Variants in BCORL1 observed in about 807,000 individuals in gnomAD.
The protein encoded by BCORL1 is BCL-6 corepressor-like protein 1.
Under a neutral mutation model 87.6 loss-of-function variants are expected in BCORL1, and 7 were observed. The ratio of observed to expected loss-of-function variants is 0.08; its 90% CI spans 0.05 to 0.15. The LOEUF is 0.15. Among genes scored for constraint, BCORL1 ranks in the 10% least tolerant of loss-of-function variants. The pLI is 1.00. For synonymous variants in BCORL1, 591 were observed against 634.4 expected, an observed-to-expected ratio of 0.93 and a Z score of 1.03; for missense variants, 1,215 against 1,499.7, an observed-to-expected ratio of 0.81 and a Z score of 3.13.
chrX:130,012,776 T>G (rs1418522543), intron 3 of BCORL1, 108 bp downstream of exon 3: 3 of 995,423 alleles, frequency 3.0e-6, no homozygotes, highest in Non-Finnish European at 4.2e-6. Flanking sequence ...AGGGACAGGG[T>G]CTCTCCCAGG....
upstream of BCORL1, chrX:129,981,482 C>G (rs1926094837): frequency 1.8e-5 from 2 of 110,635 alleles, no homozygotes; most frequent in South Asian, 7.7e-4. Context: ...CCCACCCAAG[C>G]GATTTAATGG....
Position 130,050,651 on chromosome X carries a change from A to C in BCORL1, c.4841-66A>C, listed in dbSNP as rs1932021160. 7.2e-6 allele frequency: 7 copies of C among 969,677 alleles called. No homozygotes were observed. The Admixed American group carries it at 1.6e-4, about 22-fold the overall frequency. 79.9% of individuals were successfully genotyped at this position (969,677 alleles called of 1,213,427 possible). A position where few individuals can be genotyped will look rare whatever the true frequency, so the allele number is the denominator to read the frequency against. On this transcript the variant is annotated intron_variant, in intron 11 of 13. Transcript: ENST00000540052. Reference sequence around the variant, plus strand: ...CATTCCCTTAGCCCCGTATGCATGGACTTCACTTGGACATTCCTTCCCCAG... The same window carrying C: ...CATTCCCTTAGCCCCGTATGCATGGCCTTCACTTGGACATTCCTTCCCCAG...
chrX:130,044,791 G>A (rs1208148050), intron 11 of BCORL1, among the ~76,000 whole-genome samples: 1 of 112,494 alleles, frequency 8.9e-6, no homozygotes, highest in East Asian at 2.8e-4. Context: ...TTACAGGCGT[G>A]AGCCACCGCG....
intron 1 of BCORL1, among the ~76,000 whole-genome samples, chrX:129,985,088 C>A (rs1926491197): frequency 9.0e-6 from 1 of 111,403 alleles, no homozygotes; most frequent in Non-Finnish European, 1.9e-5. Context: ...CAAAAATCTT[C>A]AGTAAGACTT....
At position 130,012,675 on chromosome X, in the gene BCORL1, G is replaced by C; in HGVS notation, c.177+7G>C. 1 of 1,200,898 alleles carries C rather than the reference G, an allele frequency of 8.3e-7. No individual in the cohort carries two copies. Among genetic ancestry groups the C allele is most frequent in the East Asian group, 3.0e-5 (1 of 33,827 alleles). On this transcript the variant is annotated splice_region_variant and intron_variant, in intron 3 of 13. Coordinates refer to ENST00000540052, the MANE Select transcript of BCORL1 (RefSeq NM_001379451.1). The stretch of plus-strand genomic sequence containing the variant: ...CAGCAGCAGTTTTTCCAAGGTAAGA[G>C]GCTTTATGGAGCCACGTGCTGTCCA...
intron 1 of BCORL1, among the ~76,000 whole-genome samples, chrX:129,984,226 C>T (rs1023899684): frequency 2.9e-5 from 3 of 104,976 alleles, no homozygotes; most frequent in African/African-American, 1.0e-4. Context: ...CAGCCGTTGC[C>T]GCCGCCGCCG....
At chrX:130,050,576 G>A in intron 11 of BCORL1, 141 bp from the exon 12 acceptor site, 10 of 524,622 alleles carry the variant, frequency 1.9e-5, no homozygotes, top group Non-Finnish European at 3.0e-5. Context: ...GGAAGTGTGT[G>A]TCTCTCTGGT....
chrX:130,031,921 C>T (rs1930630377), intron 8 of BCORL1, among the ~76,000 whole-genome samples: 1 of 111,191 alleles, frequency 9.0e-6, no homozygotes, highest in Non-Finnish European at 1.9e-5. Flanking sequence ...GTGAGACTTA[C>T]GCGTGAAACT....
chrX:130,034,317 T>C (rs1930803675), intron 8 of BCORL1, 138 bp from the exon 9 acceptor site: 14 of 385,884 alleles, frequency 3.6e-5, no homozygotes, highest in Non-Finnish European at 5.9e-5. Context: ...GTCTCGGCCA[T>C]TTAGGGTAGT....
rs1247425264 is a variant in BCORL1, at chrX:130,014,997, C to G, written c.2225C>G (p.Pro742Arg). The G allele has an allele frequency of 8.3e-7, 1 of 1,211,696 alleles. No homozygotes were observed. The highest frequency in any genetic ancestry group is 2.2e-5 in the Admixed American group (1 of 46,032). The change falls in exon 4 of 14, where the codon CCC becomes CGC. Residue 742 changes from proline (P) to arginine (R), a missense_variant. Physicochemically the swap from Pro to Arg is moderately radical, Grantham distance 103 (BLOSUM62 -2). Coordinates refer to ENST00000540052, the MANE Select transcript of BCORL1 (RefSeq NM_001379451.1). ...CCCAACCTGGGCCTCAACCGTGACC[C>G]CCGCCATCTCCCCAAGCAGGAGCCC... Reference protein sequence around the residue: ...KDPNLGLNRDPRHLPKQEPIS... With the variant: ...KDPNLGLNRDRRHLPKQEPIS...
chrX:130,038,796 T>C (rs930902997), intron 10 of BCORL1, among the ~76,000 whole-genome samples: 12 of 111,611 alleles, frequency 1.1e-4, no homozygotes, highest in Non-Finnish European at 1.7e-4. Flanking sequence ...TGCAGCTGCC[T>C]TAACTTTATT....
chrX:130,024,889 G>A, intron 6 of BCORL1, 101 bp from the exon 7 acceptor site: 2 of 1,101,307 alleles, frequency 1.8e-6, no homozygotes, highest in Non-Finnish European at 2.4e-6. Context: ...GCCTGAACTT[G>A]AACCCAGACC....
rs1556099892 is a variant in BCORL1, at chrX:130,028,772, G to A, written c.4216G>A (p.Glu1406Lys). ...PNGFLPNNLEEPACLENSEKP... is the reference protein window; with the variant it reads ...PNGFLPNNLEKPACLENSEKP... ...CGGTTTCCTCCCAAATAACCTGGAA[G>A]AGCCAGCCTGCCTTGAAAATTCAGA... The change falls in exon 8 of 14, where the codon GAG becomes AAG. Residue 1406 changes from glutamate (E) to lysine (K), a missense_variant. Coordinates refer to ENST00000540052, the MANE Select transcript of BCORL1 (RefSeq NM_001379451.1). 2 of 1,211,007 alleles carry A rather than the reference G, an allele frequency of 1.7e-6. No individual in the cohort carries two copies. Among genetic ancestry groups the A allele is most frequent in the Non-Finnish European group, 2.2e-6 (2 of 895,368 alleles).
chrX:129,991,346 C>T (rs1286431186), intron 1 of BCORL1, among the ~76,000 whole-genome samples: 1 of 111,123 alleles, frequency 9.0e-6, no homozygotes, highest in Non-Finnish European at 1.9e-5. Flanking sequence ...TCTCGAACTC[C>T]TGACCTCAAG....
chrX:130,026,420 A>G (rs760394149), intron 7 of BCORL1, among the ~76,000 whole-genome samples: 42 of 112,579 alleles, frequency 3.7e-4, no homozygotes, highest in Non-Finnish European at 7.1e-4. Context: ...GCTAATTTTC[A>G]TCAACTATGT....
At chrX:130,025,512 G>T in intron 7 of BCORL1, 133 bp downstream of exon 7, 3 of 582,781 alleles carry the variant, frequency 5.1e-6, no homozygotes, top group Non-Finnish European at 7.8e-6. Context: ...GCCAGAGGGG[G>T]TCACTCAACT....
rs765729620 is a variant in BCORL1, at chrX:130,014,236, G to T, written c.1464G>T (p.Arg488Ser). 1.7e-6 allele frequency: 2 copies of T among 1,210,964 alleles called. No homozygotes were observed. Among genetic ancestry groups the T allele is most frequent in the Admixed American group, 4.4e-5 (2 of 45,940 alleles). The stretch of plus-strand genomic sequence containing the variant: ...TCCTGCCGTCCTACCTGCAGGACAG[G>T]TGTCTCCCAGGCGTGCTAGCCTCCC... ...LPVLPSYLQDRCLPGVLASPE... is the reference protein window; with the variant it reads ...LPVLPSYLQDSCLPGVLASPE... The change falls in exon 4 of 14, where the codon AGG becomes AGT. Residue 488 changes from arginine to serine, a missense_variant. Physicochemically the swap from Arg to Ser is moderately radical, Grantham distance 110 (BLOSUM62 -1). This residue lies in a region of BCORL1 where 861 missense variants were observed against 1,010.0 expected (regional missense o/e 0.85). Coordinates refer to ENST00000540052, the MANE Select transcript of BCORL1 (RefSeq NM_001379451.1).
rs372535982 is a variant in BCORL1 at position 130,013,831 on chromosome X, G to A, written c.1059G>A (p.Pro353=). ...CGCCTCCAGCGGCCCCTGCCCCTCC[G>A]TCTGTGCCCATGCCCACTCCAACCC... ...ASTPPAAPAP[P]SVPMPTPTPS... Residue 353 remains proline (P), a synonymous_variant, in exon 4 of 14, where the codon CCG becomes CCA. Coordinates refer to ENST00000540052, the MANE Select transcript of BCORL1 (RefSeq NM_001379451.1). 24 of 1,164,819 alleles carry A rather than the reference G, an allele frequency of 2.1e-5. No homozygotes were observed. In the Admixed American group the frequency reaches 2.9e-4, roughly 14 times the overall value.
At position 129,987,552 on chromosome X, in the gene BCORL1, G is replaced by A. The variant is rs773922940; in HGVS notation, c.-45+4790G>A. On this transcript the variant is annotated intron_variant, in intron 1 of 13. Coordinates refer to ENST00000540052, the MANE Select transcript of BCORL1 (RefSeq NM_001379451.1). ...AGGGATTCACTGTCCTAAATAGAGT[G>A]GCCTTGAAAGAAGGAAAAAGTGGGA... Among the ~76,000 whole-genome samples the A allele has an allele frequency of 2.1e-4, 23 of 111,718 alleles. No homozygotes were observed. In the East Asian group the frequency reaches 5.9e-3, roughly 29 times the overall value.
Sources: allele counts gnomAD v4.1 joint callset (sites outside exome capture counted in the v4.1 genomes callset), GRCh38; gene constraint gnomAD v4.1.1; regional missense constraint gnomAD v4.1.1; transcripts MANE v1.5; gene names NCBI Gene and HGNC (gene_info 2026-07-23, HGNC 2026-07-21).